The following RAB10 variants were observed in gnomAD, a reference collection of about 807,000 sequenced individuals.
RAB10 encodes the protein ras-related protein Rab-10.
A neutral mutation model predicts 25.7 loss-of-function variants in RAB10; 5 were observed. The ratio of observed to expected loss-of-function variants is 0.19; its 90% confidence interval spans 0.10 to 0.41. The LOEUF (loss-of-function observed/expected upper bound fraction) is 0.41. Among genes scored for constraint, RAB10 ranks in the 10% least tolerant of loss-of-function variants. The probability of loss-of-function intolerance (pLI) is 1.00; values close to 1 mark genes in which losing one functional copy is unlikely to be tolerated. For missense variants in RAB10, 103 were observed against 245.8 expected (o/e 0.42, Z 3.89); for synonymous variants, 89 against 86.4 (o/e 1.03, Z -0.16).
rs548883385 is a variant in RAB10, at chr2:26,041,834, G to A, written c.127+7099G>A. On this transcript the variant is annotated intron_variant, in intron 1 of 5. Transcript: ENST00000264710. ...CAGGAGAACCGCTTGAACCAGGGAGGCGGAGGTTGCGGTGAGCCGAGATCG... is the reference window on the plus strand; with the variant it reads ...CAGGAGAACCGCTTGAACCAGGGAGACGGAGGTTGCGGTGAGCCGAGATCG... Among the ~76,000 whole-genome samples, 244 of 152,232 alleles carry A rather than the reference G, an allele frequency of 1.6e-3. 1 individual carries two copies. The highest frequency in any genetic ancestry group is 2.8e-3 in the Non-Finnish European group (192 of 68,022).
chr2:26,115,660 G>A (rs1413180227), intron 3 of RAB10, among the ~76,000 whole-genome samples: 1 of 152,106 alleles, frequency 6.6e-6, no homozygotes, highest in East Asian at 1.9e-4. Context: ...TAGTAGTGGT[G>A]ATAGTTGAAC....
At chr2:26,120,992 A>T (rs1358984747) in intron 3 of RAB10, among the ~76,000 whole-genome samples, 1 of 151,682 alleles carries the variant, frequency 6.6e-6, no homozygotes, top group South Asian at 2.1e-4. Flanking sequence ...GCTCACTGCA[A>T]CCTCCACCTC....
At chr2:26,067,401 G>T (rs1208459155) in intron 1 of RAB10, among the ~76,000 whole-genome samples, 2 of 152,222 alleles carry the variant, frequency 1.3e-5, no homozygotes, top group East Asian at 3.8e-4. Flanking sequence ...CATACTCTAT[G>T]AAAGGACCAC....
At chr2:26,075,046 G>A (rs763459207) in intron 1 of RAB10, among the ~76,000 whole-genome samples, 2 of 152,204 alleles carry the variant, frequency 1.3e-5, no homozygotes, top group Non-Finnish European at 1.5e-5. Context: ...TAGAAAATAA[G>A]ATTAATTGGT....
At chr2:26,128,007 T>A in intron 5 of RAB10, 56 bp downstream of exon 5, 1 of 1,412,520 alleles carries the variant, frequency 7.1e-7, no homozygotes, top group Non-Finnish European at 1.0e-6. Flanking sequence ...TTGAATATTT[T>A]GTCTATTCTG....
chr2:26,106,361 G>A (rs72858247), intron 2 of RAB10, among the ~76,000 whole-genome samples: 278 of 152,244 alleles, frequency 1.8e-3, no homozygotes, highest in African/African-American at 6.5e-3. Context: ...AGTAATCTAG[G>A]ACAGTATGGT....
In RAB10 at chr2:26,079,147, A is replaced by G. The variant is rs78947189; in HGVS notation, c.128-19515A>G. Among the ~76,000 whole-genome samples, 984 of 152,274 alleles carry G rather than the reference A, an allele frequency of 6.5e-3. 23 individuals carry two copies. In the East Asian group the frequency reaches 0.072, roughly 11 times the overall value. ...GGTTGTGGCGAGCTGAGATTGTGCC[A>G]TTACACTCCAGGCTGGGCAACAGAG... On this transcript the variant is annotated intron_variant, in intron 1 of 5. Coordinates refer to ENST00000264710, the MANE Select transcript of RAB10 (RefSeq NM_016131.5).
intron 1 of RAB10, among the ~76,000 whole-genome samples, chr2:26,088,882 C>T (rs1292264930): frequency 6.6e-6 from 1 of 151,528 alleles, no homozygotes; most frequent in Non-Finnish European, 1.5e-5. Flanking sequence ...CTGGGCCTCC[C>T]AAAGTGCTGG....
chr2:26,066,338 G>A (rs1666512118), intron 1 of RAB10, among the ~76,000 whole-genome samples: 1 of 152,140 alleles, frequency 6.6e-6, no homozygotes, highest in Non-Finnish European at 1.5e-5. Flanking sequence ...ATGTTTCATA[G>A]AATGTTTTGT....
At chr2:26,081,387 G>T (rs1348730120) in intron 1 of RAB10, among the ~76,000 whole-genome samples, 1 of 152,022 alleles carries the variant, frequency 6.6e-6, no homozygotes, top group African/African-American at 2.4e-5. Context: ...ACCCCAAAAT[G>T]CAAACAAACC....
At chr2:26,119,727 C>A (rs1268571073) in intron 3 of RAB10, among the ~76,000 whole-genome samples, 2 of 152,150 alleles carry the variant, frequency 1.3e-5, no homozygotes, top group African/African-American at 4.8e-5. Flanking sequence ...CTGTGTTGCC[C>A]TGGCTGGCCT....
intron 3 of RAB10, among the ~76,000 whole-genome samples, chr2:26,110,894 T>C (rs1559596010): frequency 6.6e-6 from 1 of 152,086 alleles, no homozygotes; most frequent in Admixed American, 6.6e-5. Flanking sequence ...GTAGTAGAGA[T>C]GGGGTCTCGC....
chr2:26,080,653 C>T (rs1024993665), intron 1 of RAB10, among the ~76,000 whole-genome samples: 4 of 152,114 alleles, frequency 2.6e-5, no homozygotes, highest in Non-Finnish European at 5.9e-5. Flanking sequence ...TACAGTCACA[C>T]ACTACCACAC....
intron 1 of RAB10, among the ~76,000 whole-genome samples, chr2:26,065,798 C>G (rs975634967): frequency 6.6e-6 from 1 of 152,146 alleles, no homozygotes; most frequent in Non-Finnish European, 1.5e-5. Flanking sequence ...TATATTTGTA[C>G]ATTTCCACAT....
intron 1 of RAB10, among the ~76,000 whole-genome samples, chr2:26,038,300 G>A (rs1198053712): frequency 6.6e-6 from 1 of 151,414 alleles, no homozygotes; most frequent in Non-Finnish European, 1.5e-5. Flanking sequence ...AGGTTCAAGC[G>A]ATTCTCCTGC....
At chr2:26,119,626 A>G (rs759592529) in intron 3 of RAB10, among the ~76,000 whole-genome samples, 3 of 151,824 alleles carry the variant, frequency 2.0e-5, no homozygotes, top group Non-Finnish European at 2.9e-5. Context: ...AGCTCAAGCT[A>G]TCCTCCCAGC....
chr2:26,111,627 A>G (rs1667574542), intron 3 of RAB10, among the ~76,000 whole-genome samples: 1 of 151,738 alleles, frequency 6.6e-6, no homozygotes, highest in Non-Finnish European at 1.5e-5. Flanking sequence ...AAAAATACAA[A>G]TCTTAAAACA....
At chr2:26,102,976 G>T (rs1667376260) in intron 2 of RAB10, among the ~76,000 whole-genome samples, 1 of 152,172 alleles carries the variant, frequency 6.6e-6, no homozygotes, top group African/African-American at 2.4e-5. Flanking sequence ...AACATAGAAT[G>T]AAATTTTGAG....
intron 1 of RAB10, among the ~76,000 whole-genome samples, chr2:26,045,159 G>T (rs1272736025): frequency 6.6e-6 from 1 of 151,926 alleles, no homozygotes; most frequent in Admixed American, 6.6e-5. Context: ...GCACAAGCAT[G>T]GCAAAGGAAA....
Sources: allele counts gnomAD v4.1 joint callset (sites outside exome capture counted in the v4.1 genomes callset), GRCh38; gene constraint gnomAD v4.1.1; transcripts MANE v1.5; gene names NCBI Gene and HGNC (gene_info 2026-07-23, HGNC 2026-07-21).